The following NUMA1 variants were observed in gnomAD, a reference collection of about 807,000 sequenced individuals.
NUMA1 encodes nuclear mitotic apparatus protein 1, also known as SP-H antigen.
NUMA1 carries 62 observed loss-of-function variants against 237.1 expected under a neutral mutation model. That is an observed-to-expected ratio of 0.26 (90% CI 0.21 to 0.32). The LOEUF (loss-of-function observed/expected upper bound fraction) is 0.32, where lower values mean the gene tolerates loss of function less well. Ranked by LOEUF, NUMA1 falls within the 10% of genes least tolerant of loss-of-function variation. The pLI is 1.00. For synonymous variants in NUMA1, 1,028 were observed against 1,066.1 expected, an observed-to-expected ratio of 0.96 and a Z score of 0.70; for missense variants, 2,533 against 2,666.5, an observed-to-expected ratio of 0.95 and a Z score of 1.10.
chr11:72,064,486 T>G (rs763945243), intron 2 of NUMA1, among the ~76,000 whole-genome samples: 19 of 150,176 alleles, frequency 1.3e-4, no homozygotes, highest in Non-Finnish European at 2.4e-4. Flanking sequence ...AAAAAAAAAG[T>G]TTTAAATAAT....
At position 72,023,112 on chromosome 11, in the gene NUMA1, C is replaced by G; in HGVS notation, c.244G>C (p.Val82Leu). The G allele has an allele frequency of 1.2e-6, 2 of 1,613,958 alleles. No homozygotes were observed. The highest frequency in any genetic ancestry group is 1.7e-6 in the Non-Finnish European group (2 of 1,179,918). The change falls in exon 6 of 27, where the codon GTA becomes CTA. Residue 82 changes from valine to leucine, a missense_variant. Coordinates refer to ENST00000393695, the MANE Select transcript of NUMA1 (RefSeq NM_006185.4). ...RKHPSSPECLVSAQKVLEGSE... is the reference protein window; with the variant it reads ...RKHPSSPECLLSAQKVLEGSE... Reference sequence around the variant, plus strand: ...CCCTCTAGCACCTTCTGTGCAGATACCAGGCATTCTGGGGAAGAGGGATGT... The same window carrying G: ...CCCTCTAGCACCTTCTGTGCAGATAGCAGGCATTCTGGGGAAGAGGGATGT...
intron 2 of NUMA1, among the ~76,000 whole-genome samples, chr11:72,038,981 C>T (rs923447487): frequency 1.3e-5 from 2 of 152,146 alleles, no homozygotes; most frequent in Non-Finnish European, 2.9e-5. Context: ...GAAGCAGTTG[C>T]GTTATAAACT....
intron 2 of NUMA1, among the ~76,000 whole-genome samples, chr11:72,057,561 T>C (rs1450557801): frequency 6.6e-6 from 1 of 151,168 alleles, no homozygotes; most frequent in African/African-American, 2.4e-5. Context: ...CTGGCCAACA[T>C]GGTGAAACCC....
intron 4 of NUMA1, among the ~76,000 whole-genome samples, chr11:72,026,115 G>A (rs546233814): frequency 6.6e-6 from 1 of 152,262 alleles, no homozygotes; most frequent in African/African-American, 2.4e-5. Flanking sequence ...ACAAAGCCTG[G>A]TGTAAGTAAA....
intron 2 of NUMA1, among the ~76,000 whole-genome samples, chr11:72,069,498 G>A (rs763254540): frequency 9.9e-5 from 15 of 152,192 alleles, no homozygotes; most frequent in Non-Finnish European, 1.9e-4. Context: ...ACCAAGAATG[G>A]TTCTGAAACC....
chr11:72,038,624 CAG>C (rs1941314075), intron 2 of NUMA1, among the ~76,000 whole-genome samples: 1 of 152,086 alleles, frequency 6.6e-6, no homozygotes, highest in African/African-American at 2.4e-5. Flanking sequence ...GGCTCCCAGC[CAG>C]AGTACCATCC....
intron 1 of NUMA1, among the ~76,000 whole-genome samples, chr11:72,070,773 C>G (rs1480129864): frequency 6.6e-6 from 1 of 152,172 alleles, no homozygotes; most frequent in Non-Finnish European, 1.5e-5. Context: ...CGTATCCAAA[C>G]AAAACAAAAT....
intron 2 of NUMA1, chr11:72,065,248 T>C (rs1254730114): frequency 6.6e-6 from 1 of 152,262 alleles, no homozygotes; most frequent in South Asian, 2.1e-4. Context: ...TAATAAATAA[T>C]GGTTACTTCT....
rs1590848891 is a variant in NUMA1, at chr11:72,004,267, A to G, written c.6081T>C (p.Thr2027=). The stretch of plus-strand genomic sequence containing the variant: ...GAGCTGCTTTCTTCTGGGCCTCAGT[A>G]GTGCTCTGTTTGCGCCCTTCATGTC... ...RDRHEGRKQS[T]TEAQKKAAPA... Residue 2027 remains threonine (T), a synonymous_variant, in exon 25 of 27, where the codon ACT becomes ACC. Transcript: ENST00000393695. The G allele has an allele frequency of 1.2e-6, 2 of 1,613,072 alleles. No homozygotes were observed. Among genetic ancestry groups the G allele is most frequent in the Non-Finnish European group, 8.5e-7 (1 of 1,179,772 alleles).
chr11:72,027,582 GGA>G (rs1189730016), intron 4 of NUMA1, among the ~76,000 whole-genome samples: 1 of 152,076 alleles, frequency 6.6e-6, no homozygotes, highest in Non-Finnish European at 1.5e-5. Context: ...TGTCGAGTGG[GGA>G]GAGAAAAAAG....
intron 23 of NUMA1, 74 bp downstream of exon 23, chr11:72,005,159 C>T: frequency 6.9e-7 from 1 of 1,454,682 alleles, no homozygotes; most frequent in Non-Finnish European, 9.2e-7. Context: ...CCCTAGTGCT[C>T]AGGCTAGATC....
At chr11:72,011,690 T>C (rs1244685618) in intron 16 of NUMA1, among the ~76,000 whole-genome samples, 2 of 152,102 alleles carry the variant, frequency 1.3e-5, no homozygotes, top group Non-Finnish European at 1.5e-5. Flanking sequence ...AAGGGTGCTC[T>C]ATAGCCTCGA....
chr11:72,003,695 G>A, intron 26 of NUMA1, 157 bp from the exon 27 acceptor site: 2 of 1,056,242 alleles, frequency 1.9e-6, no homozygotes, highest in Non-Finnish European at 1.4e-6. Context: ...GAGCAGCTCT[G>A]GGTGCTCTCC....
Position 72,015,631 on chromosome 11 carries a change from A to G in NUMA1, c.1872T>C (p.Leu624=). The change falls in exon 15 of 27, where the codon CTT becomes CTC. Residue 624 remains leucine (L), a synonymous_variant. Transcript: ENST00000393695. The surrounding 1 kb of genome is among the most constrained non-coding windows in gnomAD (Gnocchi z 4.0). ...AAKLEILQQQ[L]QVANEARDSA... Reference sequence around the variant, plus strand: ...TGTCCCGGGCTTCATTAGCCACCTGAAGTTGCTGCTGCAGAATCTCCAGCT... The same window carrying G: ...TGTCCCGGGCTTCATTAGCCACCTGGAGTTGCTGCTGCAGAATCTCCAGCT... 1.2e-6 allele frequency: 2 copies of G among 1,613,624 alleles called. No individual in the cohort carries two copies. Among genetic ancestry groups the G allele is most frequent in the Non-Finnish European group, 1.7e-6 (2 of 1,179,986 alleles).
chr11:72,026,630 C>T (rs913394716), intron 4 of NUMA1, among the ~76,000 whole-genome samples: 26 of 152,198 alleles, frequency 1.7e-4, no homozygotes, highest in African/African-American at 6.0e-4. Flanking sequence ...AAACCCTCAA[C>T]TCCCACAGCT....
chr11:72,018,882 C>T lies in NUMA1; in HGVS notation c.683G>A (p.Ser228Asn), dbSNP rs1320968694. 6.2e-7 allele frequency: 1 copy of T among 1,613,960 alleles called. No individual in the cohort carries two copies. The highest frequency in any genetic ancestry group is 1.1e-5 in the South Asian group (1 of 91,078). Residue 228 changes from serine to asparagine, a missense_variant, in exon 10 of 27, where the codon AGT becomes AAT. Physicochemically the swap from Ser to Asn is conservative, Grantham distance 46. Around this residue, in one of 3 missense-constraint regions of NUMA1, gnomAD observed 1,414 missense variants for 1,508.1 expected, o/e 0.94. Transcript: ENST00000393695. ...CTCCAGCTCCAGCTCATCCCTATTA[C>T]TTCTCTCATCAGCAAGCTGCTTCTT... ...RLKKQLADER[S>N]NRDELELELA...
At chr11:72,029,073 T>C in intron 4 of NUMA1, 132 bp downstream of exon 4, 1 of 611,262 alleles carries the variant, frequency 1.6e-6, no homozygotes, top group South Asian at 2.1e-5. Context: ...GGCCCCACCC[T>C]GGCTTATGAT....
Position 72,010,776 on chromosome 11 carries a change from G to C in NUMA1, c.4719+10C>G, listed in dbSNP as rs756672197. ...TCCAGAGGCCAGACCCATTCCCCCA[G>C]CTGCCCCACCTTCAGCTTCTGCTGC... is the stretch of plus-strand genomic sequence containing the variant. On this transcript the variant is annotated intron_variant, in intron 17 of 26. Coordinates refer to ENST00000393695, the MANE Select transcript of NUMA1 (RefSeq NM_006185.4). The C allele has an allele frequency of 1.2e-6, 2 of 1,612,310 alleles. No homozygotes were observed. Among genetic ancestry groups the C allele is most frequent in the South Asian group, 2.2e-5 (2 of 90,982 alleles).
In NUMA1 at chr11:72,014,021, TCCCGCTCAGCCCGGGAGG is replaced by T. The variant is rs781605659; in HGVS notation, c.3464_3481del (p.Ala1155_Arg1160del). 1.9e-6 allele frequency: 3 copies of T among 1,611,732 alleles called. No homozygotes were observed. Among genetic ancestry groups the T allele is most frequent in the South Asian group, 1.1e-5 (1 of 91,082 alleles). On this transcript the variant is annotated inframe_deletion, in exon 15 of 27. Coordinates refer to ENST00000393695, the MANE Select transcript of NUMA1 (RefSeq NM_006185.4). The surrounding 1 kb of genome is among the most constrained non-coding windows in gnomAD (Gnocchi z 4.6). ...GCCCTGCAGAGTCTCCAGAGCACTGTCCCGCTCAGCCCGGGAGGCCCGCTCAGCCTCGAGGCTGCGTTC... is the reference window on the plus strand; with the variant it reads ...GCCCTGCAGAGTCTCCAGAGCACTGTCCCGCTCAGCCTCGAGGCTGCGTTC...
Sources: gnomAD v4.1 joint callset for allele counts (sites outside exome capture counted in the v4.1 genomes callset) on GRCh38, gnomAD v4.1.1 for gene constraint, gnomAD v4.1.1 regional missense constraint, Gnocchi (gnomAD v3.1) non-coding constraint, MANE v1.5 for transcripts, NCBI Gene and HGNC (gene_info 2026-07-23, HGNC 2026-07-21) for gene names.